The following FARS2 variants were observed in gnomAD, a reference collection of about 807,000 sequenced individuals.
FARS2 encodes phenylalanine--tRNA ligase, mitochondrial.
In FARS2, 40 loss-of-function variants were observed where a neutral mutation model predicts 46.4. That is an observed-to-expected ratio of 0.86 (90% CI 0.67 to 1.12). The LOEUF is 1.12. FARS2 is among the 50% of genes most tolerant of loss of function. The pLI is 0.00. For synonymous variants in FARS2, 234 were observed against 214.9 expected (o/e 1.09, Z -0.78); for missense variants, 513 against 567.9 (o/e 0.90, Z 0.98).
At chr6:5,388,243 A>G (rs1038979932) in intron 2 of FARS2, among the ~76,000 whole-genome samples, 1 of 152,180 alleles carries the variant, frequency 6.6e-6, no homozygotes, top group African/African-American at 2.4e-5. Context: ...TTCTTATTTC[A>G]AAAATCATAC....
intron 6 of FARS2, among the ~76,000 whole-genome samples, chr6:5,709,543 A>T (rs867544864): frequency 4.7e-5 from 7 of 149,568 alleles, no homozygotes; most frequent in African/African-American, 7.4e-5. Flanking sequence ...TCCTGGATTT[A>T]AAAAAAAAAT....
At chr6:5,751,083 G>C (rs189993938) in intron 6 of FARS2, among the ~76,000 whole-genome samples, 2 of 152,098 alleles carry the variant, frequency 1.3e-5, no homozygotes, top group African/African-American at 4.8e-5. Flanking sequence ...TGAGTTGTAC[G>C]ATGCATTCCA....
intron 4 of FARS2, among the ~76,000 whole-genome samples, chr6:5,529,530 T>A (rs1425262711): frequency 6.6e-6 from 1 of 152,130 alleles, no homozygotes; most frequent in African/African-American, 2.4e-5. Context: ...ATGGTCTCAA[T>A]CTCTTGACCT....
At chr6:5,322,893 C>G (rs1770083729) in intron 1 of FARS2, among the ~76,000 whole-genome samples, 2 of 152,192 alleles carry the variant, frequency 1.3e-5, no homozygotes, top group Admixed American at 6.5e-5. Context: ...TCCTGGACAT[C>G]TGATTACCCT....
intron 6 of FARS2, among the ~76,000 whole-genome samples, chr6:5,729,137 G>A (rs1043992633): frequency 1.3e-5 from 2 of 152,206 alleles, no homozygotes; most frequent in Non-Finnish European, 2.9e-5. Context: ...AAGCAAAGCA[G>A]GCATTTAGTC....
intron 1 of FARS2, among the ~76,000 whole-genome samples, chr6:5,327,019 A>G (rs1770439426): frequency 6.6e-6 from 1 of 152,218 alleles, no homozygotes; most frequent in South Asian, 2.1e-4. Flanking sequence ...TGGTAATGGT[A>G]AATCAGCTTA....
At chr6:5,732,352 G>A (rs144991238) in intron 6 of FARS2, among the ~76,000 whole-genome samples, 1 of 152,198 alleles carries the variant, frequency 6.6e-6, no homozygotes, top group African/African-American at 2.4e-5. Context: ...CTCCTAGGGA[G>A]GCAGTAAGGA....
At chr6:5,295,163 G>C (rs1036819312) in intron 1 of FARS2, among the ~76,000 whole-genome samples, 1 of 152,118 alleles carries the variant, frequency 6.6e-6, no homozygotes, top group Admixed American at 6.5e-5. Context: ...GATTTCTCAG[G>C]AACTAATACA....
intron 6 of FARS2, among the ~76,000 whole-genome samples, chr6:5,680,040 G>C (rs927102938): frequency 6.6e-6 from 1 of 152,168 alleles, no homozygotes; most frequent in African/African-American, 2.4e-5. Context: ...AACAGCTATT[G>C]CCAGGTATAT....
At chr6:5,755,410 A>C (rs561994686) in intron 6 of FARS2, among the ~76,000 whole-genome samples, 1 of 151,280 alleles carries the variant, frequency 6.6e-6, no homozygotes, top group East Asian at 1.9e-4. Context: ...TCATTGTTCA[A>C]CTCCCACTTA....
chr6:5,604,687 TATC>T (rs1265236611), intron 5 of FARS2, among the ~76,000 whole-genome samples: 1 of 152,246 alleles, frequency 6.6e-6, no homozygotes, highest in Non-Finnish European at 1.5e-5. Flanking sequence ...TGTATGATTT[TATC>T]ATAAAGTATA....
intron 6 of FARS2, among the ~76,000 whole-genome samples, chr6:5,725,983 A>G (rs1760227443): frequency 1.3e-5 from 2 of 152,140 alleles, no homozygotes; most frequent in Admixed American, 1.3e-4. Flanking sequence ...CACCATTGTC[A>G]TCATCATTGT....
chr6:5,296,196 C>T (rs1767858903), intron 1 of FARS2, among the ~76,000 whole-genome samples: 2 of 112,182 alleles, frequency 1.8e-5, no homozygotes, highest in Admixed American at 2.8e-4. Flanking sequence ...GGCTGGAGTG[C>T]AGTGGTGGGA....
intron 5 of FARS2, among the ~76,000 whole-genome samples, chr6:5,558,892 C>T (rs1051603196): frequency 3.3e-5 from 5 of 151,982 alleles, no homozygotes; most frequent in South Asian, 2.1e-4. Context: ...TATAAATGGA[C>T]GACCCTTGTA....
intron 6 of FARS2, among the ~76,000 whole-genome samples, chr6:5,640,583 G>T (rs1776767267): frequency 6.6e-6 from 1 of 152,188 alleles, no homozygotes; most frequent in Non-Finnish European, 1.5e-5. Context: ...GGCCCAGAGA[G>T]GCATGGGATT....
At chr6:5,440,714 G>C (rs1003651815) in intron 4 of FARS2, among the ~76,000 whole-genome samples, 3 of 152,030 alleles carry the variant, frequency 2.0e-5, no homozygotes, top group Admixed American at 1.3e-4. Context: ...GTGGAGGGGG[G>C]GTGTCTCACT....
chr6:5,645,592 C>G (rs531674304), intron 6 of FARS2, among the ~76,000 whole-genome samples: 2 of 152,350 alleles, frequency 1.3e-5, no homozygotes, highest in Admixed American at 1.3e-4. Context: ...TCCTCTGAAA[C>G]TTCCTCTGTG....
At chr6:5,699,955 A>C (rs1225209261) in intron 6 of FARS2, among the ~76,000 whole-genome samples, 1 of 152,144 alleles carries the variant, frequency 6.6e-6, no homozygotes, top group Non-Finnish European at 1.5e-5. Flanking sequence ...AACCACCTAT[A>C]GTGTGGCTCC....
At chr6:5,701,465 C>T (rs1466708288) in intron 6 of FARS2, among the ~76,000 whole-genome samples, 3 of 152,168 alleles carry the variant, frequency 2.0e-5, no homozygotes, top group Non-Finnish European at 4.4e-5. Flanking sequence ...CATTTCCTGG[C>T]GCCTCTGTGC....
Sources: gnomAD v4.1 joint callset for allele counts (sites outside exome capture counted in the v4.1 genomes callset) on GRCh38, gnomAD v4.1.1 for gene constraint, MANE v1.5 for transcripts, NCBI Gene and HGNC (gene_info 2026-07-23, HGNC 2026-07-21) for gene names.